Variants in AKAP6 observed in about 807,000 individuals in gnomAD.
The protein encoded by AKAP6 is A-kinase anchor protein 6.
AKAP6 carries 58 observed loss-of-function variants against 188.5 expected under a neutral mutation model. That is an observed-to-expected ratio of 0.31 (90% CI 0.25 to 0.38). AKAP6 has a LOEUF of 0.38. Ranked by LOEUF, AKAP6 falls within the 10% of genes least tolerant of loss-of-function variation. The pLI is 1.00. For synonymous variants in AKAP6, 989 were observed against 998.6 expected (o/e 0.99, Z 0.18); for missense variants, 2,710 against 2,740.0 (o/e 0.99, Z 0.24).
intron 8 of AKAP6, among the ~76,000 whole-genome samples, chr14:32,687,410 C>A (rs1594848114): frequency 8.2e-6 from 1 of 122,278 alleles, no homozygotes; most frequent in Admixed American, 7.5e-5. Context: ...ATCTCTCTCT[C>A]TCTCTCTCTC....
chr14:32,655,126 A>G (rs1053380508), intron 7 of AKAP6, among the ~76,000 whole-genome samples: 2 of 152,228 alleles, frequency 1.3e-5, no homozygotes, highest in Non-Finnish European at 2.9e-5. Flanking sequence ...TCAGGAGACG[A>G]GTGAATATGC....
chr14:32,670,392 G>A (rs1031141256), intron 7 of AKAP6, among the ~76,000 whole-genome samples: 7 of 152,282 alleles, frequency 4.6e-5, no homozygotes, highest in Admixed American at 1.3e-4. Flanking sequence ...AGACCTGAAG[G>A]TCTTTCCAGA....
intron 9 of AKAP6, among the ~76,000 whole-genome samples, chr14:32,715,036 C>T (rs144983252): frequency 1.3e-5 from 2 of 152,012 alleles, no homozygotes; most frequent in East Asian, 1.9e-4. Context: ...GGGGAGGCTT[C>T]TCTGGAGAGC....
intron 11 of AKAP6, among the ~76,000 whole-genome samples, chr14:32,756,616 A>G (rs1217866116): frequency 6.6e-6 from 1 of 151,996 alleles, no homozygotes; most frequent in Admixed American, 6.5e-5. Flanking sequence ...TCTGCAGGGT[A>G]GGGCGTGGAG....
intron 9 of AKAP6, among the ~76,000 whole-genome samples, chr14:32,720,463 C>T (rs1437085797): frequency 6.6e-6 from 1 of 152,040 alleles, no homozygotes; most frequent in East Asian, 1.9e-4. Context: ...GTAGTCTGTC[C>T]ACACAAGAGG....
chr14:32,386,005 C>CTA (rs1594565196), intron 1 of AKAP6, among the ~76,000 whole-genome samples: 1 of 106,386 alleles, frequency 9.4e-6, no homozygotes, highest in East Asian at 5.2e-4. Context: ...TCATATGTAT[C>CTA]TATATCTATA....
At chr14:32,720,252 G>C (rs986853277) in intron 9 of AKAP6, among the ~76,000 whole-genome samples, 2 of 152,138 alleles carry the variant, frequency 1.3e-5, no homozygotes, top group Admixed American at 6.5e-5. Flanking sequence ...ATCTTTTAAA[G>C]TTTATTCTTC....
intron 1 of AKAP6, among the ~76,000 whole-genome samples, chr14:32,389,865 G>T (rs1888653187): frequency 6.6e-6 from 1 of 152,068 alleles, no homozygotes. Context: ...TGTGTTCTTG[G>T]TGCTTCTTGT....
intron 7 of AKAP6, among the ~76,000 whole-genome samples, chr14:32,632,537 C>T (rs997085501): frequency 6.6e-6 from 1 of 152,044 alleles, no homozygotes; most frequent in Non-Finnish European, 1.5e-5. Context: ...GTTCTAGTAT[C>T]AGCAAACTTT....
chr14:32,824,240 G>T lies in AKAP6; in HGVS notation c.6427G>T (p.Asp2143Tyr). ...SSTPLPLDTT[D>Y]SGLDDKEDIE... is the part of the protein sequence containing the mutation. ...CACTCCATTGCCACTAGACACCACTGACTCGGGCTTAGATGACAAGGAAGA... is the reference window on the plus strand; with the variant it reads ...CACTCCATTGCCACTAGACACCACTTACTCGGGCTTAGATGACAAGGAAGA... The change falls in exon 13 of 14, where the codon GAC becomes TAC. Residue 2143 changes from aspartate (D) to tyrosine (Y), a missense_variant. Asp to Tyr is a radical substitution (Grantham distance 160). Around this residue, in one of 2 missense-constraint regions of AKAP6, gnomAD observed 2,473 missense variants for 2,426.1 expected, o/e 1.02. Coordinates refer to ENST00000280979, the MANE Select transcript of AKAP6 (RefSeq NM_004274.5). The T allele has an allele frequency of 6.2e-7, 1 of 1,613,956 alleles. No homozygotes were observed. Among genetic ancestry groups the T allele is most frequent in the Non-Finnish European group, 8.5e-7 (1 of 1,179,956 alleles).
intron 1 of AKAP6, among the ~76,000 whole-genome samples, chr14:32,364,637 T>A (rs1887769875): frequency 1.3e-5 from 2 of 152,224 alleles, no homozygotes; most frequent in South Asian, 4.1e-4. Flanking sequence ...ACCCATTTCC[T>A]ATCTCGGCGC....
chr14:32,563,494 G>A (rs995359529), intron 4 of AKAP6, among the ~76,000 whole-genome samples: 40 of 152,130 alleles, frequency 2.6e-4, no homozygotes, highest in African/African-American at 4.8e-5. Flanking sequence ...GTACTGTGGG[G>A]GGGGAAGGGT....
chr14:32,734,810 G>T (rs2031338511), intron 10 of AKAP6, among the ~76,000 whole-genome samples: 1 of 152,074 alleles, frequency 6.6e-6, no homozygotes, highest in Non-Finnish European at 1.5e-5. Context: ...CACACCAGAT[G>T]AATGTTTGTT....
rs1883172865 is a variant in AKAP6 at position 32,545,823 on chromosome 14, A to C, written c.1170A>C (p.Pro390=). ...NEDSPTQPTL[P]KRGLFLKEET... ...ACTCTCCCACGCAGCCTACATTGCC[A>C]AAAAGAGGACTTTTTCTTAAAGAGG... The change falls in exon 4 of 14, where the codon CCA becomes CCC. Residue 390 remains proline, a synonymous_variant. Coordinates refer to ENST00000280979, the MANE Select transcript of AKAP6 (RefSeq NM_004274.5). 6.2e-7 allele frequency: 1 copy of C among 1,614,038 alleles called. No individual in the cohort carries two copies. Among genetic ancestry groups the C allele is most frequent in the African/African-American group, 1.3e-5 (1 of 74,936 alleles).
intron 1 of AKAP6, among the ~76,000 whole-genome samples, chr14:32,376,194 CA>C (rs1222779270): frequency 1.3e-5 from 2 of 152,204 alleles, no homozygotes; most frequent in African/African-American, 4.8e-5. Context: ...AAGTGTTTTC[CA>C]AAGTTATTTG....
Position 32,614,314 on chromosome 14 carries a change from C to G in AKAP6, c.2730+13522C>G, listed in dbSNP as rs139626074. Reference sequence around the variant, plus strand: ...GTACACAAAAAGCTTAATGACTATGCTCCATTGGCTAATACACAAAAGGGA... The same window carrying G: ...GTACACAAAAAGCTTAATGACTATGGTCCATTGGCTAATACACAAAAGGGA... On this transcript the variant is annotated intron_variant, in intron 7 of 13. Coordinates refer to ENST00000280979, the MANE Select transcript of AKAP6 (RefSeq NM_004274.5). 4.3e-4 allele frequency among the ~76,000 whole-genome samples: 65 copies of G among 152,280 alleles called. No individual in the cohort carries two copies. In the East Asian group the frequency reaches 9.6e-3, roughly 23 times the overall value.
intron 8 of AKAP6, among the ~76,000 whole-genome samples, chr14:32,681,770 C>T (rs1889687342): frequency 6.7e-6 from 1 of 148,630 alleles, no homozygotes; most frequent in Non-Finnish European, 1.5e-5. Context: ...GCCACAGCTT[C>T]TTGGCTCAGG....
At chr14:32,689,755 T>C (rs574397032) in intron 8 of AKAP6, among the ~76,000 whole-genome samples, 1 of 152,230 alleles carries the variant, frequency 6.6e-6, no homozygotes, top group East Asian at 1.9e-4. Flanking sequence ...TAGAGGATGA[T>C]GGGAAATTCT....
At chr14:32,786,311 T>TGTTTTTTTTTTTG (rs1488628423) in intron 12 of AKAP6, among the ~76,000 whole-genome samples, 1 of 96,542 alleles carries the variant, frequency 1.0e-5, no homozygotes, top group African/African-American at 3.7e-5. Context: ...TTTTTTTTTT[T>TGTTTTTTTTTTTG]TTTTTTTTTT....
Sources: gnomAD v4.1 joint callset for allele counts (sites outside exome capture counted in the v4.1 genomes callset) on GRCh38, gnomAD v4.1.1 for gene constraint, gnomAD v4.1.1 regional missense constraint, MANE v1.5 for transcripts, NCBI Gene and HGNC (gene_info 2026-07-23, HGNC 2026-07-21) for gene names.